TOP6BL: variants seen among roughly 807,000 people sequenced by gnomAD.
The protein encoded by TOP6BL is type 2 DNA topoisomerase 6 subunit B-like.
chr11:66,789,392 G>A, the TOP6BL span, among the ~76,000 whole-genome samples: 1 of 152,124 alleles, frequency 6.6e-6, no homozygotes, highest in Non-Finnish European at 1.5e-5. Context: ...GAGACATAAC[G>A]AATTAGAGTG....
the TOP6BL span, among the ~76,000 whole-genome samples, chr11:66,769,141 G>A: frequency 2.0e-5 from 3 of 152,210 alleles, no homozygotes; most frequent in Non-Finnish European, 4.4e-5. Context: ...GGAATGGGAA[G>A]AGGGGATACT....
At chr11:66,816,272 C>A in the TOP6BL span, 4 of 1,435,226 alleles carry the variant, frequency 2.8e-6, no homozygotes, top group South Asian at 2.9e-5. Context: ...TTGTGTAATG[C>A]ACACATCTAA....
chr11:66,839,715 T>A, the TOP6BL span, among the ~76,000 whole-genome samples: 15 of 152,186 alleles, frequency 9.9e-5, no homozygotes, highest in African/African-American at 3.6e-4. Context: ...CTGGAGATTT[T>A]AAAAAATGCA....
the TOP6BL span, among the ~76,000 whole-genome samples, chr11:66,789,653 G>C: frequency 0.011 from 1,628 of 152,234 alleles, 21 homozygotes; most frequent in Non-Finnish European, 0.016. Flanking sequence ...AGGAAATGAG[G>C]TTCTGTGTTT....
chr11:66,758,593 CGTG>C, the TOP6BL span, among the ~76,000 whole-genome samples: 14 of 152,034 alleles, frequency 9.2e-5, no homozygotes, highest in Non-Finnish European at 1.8e-4. Flanking sequence ...GGATTGCAGG[CGTG>C]AGCCACCGCA....
At chr11:66,802,118 T>G in the TOP6BL span, among the ~76,000 whole-genome samples, 1 of 152,024 alleles carries the variant, frequency 6.6e-6, no homozygotes, top group African/African-American at 2.4e-5. Context: ...GCCTCTCGAG[T>G]AGCTAGTAGC....
the TOP6BL span, among the ~76,000 whole-genome samples, chr11:66,826,515 T>C: frequency 6.6e-6 from 1 of 152,212 alleles, no homozygotes; most frequent in Admixed American, 6.5e-5. Flanking sequence ...AACACATTTA[T>C]AAGCTAGTGC....
the TOP6BL span, chr11:66,821,840 C>A: frequency 6.5e-7 from 1 of 1,539,306 alleles, no homozygotes; most frequent in East Asian, 2.3e-5. Flanking sequence ...AGGCAGGGCC[C>A]AGGAGCCCTT....
chr11:66,744,855 C>T, the TOP6BL span: 2 of 1,313,576 alleles, frequency 1.5e-6, no homozygotes, highest in South Asian at 5.0e-5. Context: ...GGCGGGTACC[C>T]TTCGACTGGG....
chr11:66,830,809 CAAG>C, the TOP6BL span, among the ~76,000 whole-genome samples: 2 of 152,294 alleles, frequency 1.3e-5, no homozygotes, highest in South Asian at 4.1e-4. Context: ...GAAGCCCACT[CAAG>C]AAGAAGTACC....
the TOP6BL span, among the ~76,000 whole-genome samples, chr11:66,838,821 T>A: frequency 1.3e-5 from 2 of 152,280 alleles, no homozygotes; most frequent in East Asian, 1.9e-4. Context: ...AAGCTCCGCC[T>A]CCCGGGTTCA....
chr11:66,769,708 T>G, the TOP6BL span, among the ~76,000 whole-genome samples: 4 of 151,364 alleles, frequency 2.6e-5, no homozygotes, highest in African/African-American at 9.7e-5. Flanking sequence ...ATTAGCAGTT[T>G]TATTTATTTA....
the TOP6BL span, among the ~76,000 whole-genome samples, chr11:66,751,380 A>G: frequency 1.3e-5 from 2 of 151,600 alleles, no homozygotes; most frequent in South Asian, 4.2e-4. Flanking sequence ...TTTTTAGTAG[A>G]GACCAGGTTT....
the TOP6BL span, among the ~76,000 whole-genome samples, chr11:66,832,725 C>T: frequency 1.3e-5 from 2 of 152,206 alleles, no homozygotes; most frequent in Non-Finnish European, 2.9e-5. Flanking sequence ...CTTGGAAAGC[C>T]GCTGTCCACG....
the TOP6BL span, among the ~76,000 whole-genome samples, chr11:66,827,277 C>T: frequency 3.3e-5 from 5 of 151,976 alleles, no homozygotes; most frequent in African/African-American, 4.8e-5. Context: ...GTCAAACTCC[C>T]GACCTCAGGT....
chr11:66,744,901 G>C, the TOP6BL span: 1 of 1,267,302 alleles, frequency 7.9e-7, no homozygotes, highest in African/African-American at 1.5e-5. Flanking sequence ...TGGAGGGGAC[G>C]GCCGTGGCCG....
the TOP6BL span, chr11:66,839,323 A>G: frequency 1.5e-5 from 6 of 398,990 alleles, no homozygotes; most frequent in African/African-American, 6.2e-5. Context: ...AGGCCCACAG[A>G]TATCAATAAA....
chr11:66,754,910 T>C, the TOP6BL span, among the ~76,000 whole-genome samples: 2 of 152,156 alleles, frequency 1.3e-5, no homozygotes, highest in African/African-American at 2.4e-5. Flanking sequence ...AATCTAAAGA[T>C]TTATTTAAAT....
At chr11:66,827,535 GA>G in the TOP6BL span, among the ~76,000 whole-genome samples, 23 of 144,796 alleles carry the variant, frequency 1.6e-4, no homozygotes, top group East Asian at 4.0e-4. Flanking sequence ...AGACTCGTCA[GA>G]AAAAAAAAAA....
Sources: allele counts gnomAD v4.1 joint callset (sites outside exome capture counted in the v4.1 genomes callset), GRCh38; gene constraint gnomAD v4.1.1; transcripts MANE v1.5; gene names NCBI Gene and HGNC (gene_info 2026-07-23, HGNC 2026-07-21).